The following SCML4 variants were observed in gnomAD, a reference collection of about 807,000 sequenced individuals.
The protein encoded by SCML4 is Scm polycomb group protein like 4, also known as sex comb on midleg-like protein 4.
In SCML4, 34 loss-of-function variants were observed where a neutral mutation model predicts 41.1. The ratio of observed to expected loss-of-function variants is 0.83; its 90% CI spans 0.63 to 1.10. SCML4 has a LOEUF of 1.10. SCML4 is among the 50% of genes least tolerant of loss of function. The probability of loss-of-function intolerance (pLI) is 0.00; values close to 1 mark genes in which losing one functional copy is unlikely to be tolerated. For synonymous variants in SCML4, 214 were observed against 220.9 expected (o/e 0.97, Z 0.28); for missense variants, 522 against 534.1 (o/e 0.98, Z 0.22).
intron 2 of SCML4, among the ~76,000 whole-genome samples, chr6:107,758,207 A>G (rs1779262698): frequency 6.6e-6 from 1 of 152,210 alleles, no homozygotes; most frequent in Admixed American, 6.5e-5. Flanking sequence ...CTAGGTGACC[A>G]GGGTAGGCCT....
intron 1 of SCML4, among the ~76,000 whole-genome samples, chr6:107,775,247 G>A (rs1780841682): frequency 6.6e-6 from 1 of 152,198 alleles, no homozygotes; most frequent in Admixed American, 6.5e-5. Context: ...TGCCTGGAAT[G>A]CTCTTTCTTC....
rs1250441093 is a variant in SCML4 at position 107,714,977 on chromosome 6, A to ATT, written c.973+5724_973+5725dup. Among the ~76,000 whole-genome samples, 78 of 54,532 alleles carry ATT rather than the reference A, an allele frequency of 1.4e-3. 1 individual carries two copies. The highest frequency in any genetic ancestry group is 3.1e-3 in the African/African-American group (77 of 24,450). 35.8% of individuals were successfully genotyped at this position (54,532 alleles called of 152,430 possible). ...CCTGGTGTCCCTGCACAAACCCTTT[A>ATT]TTTTTTTTTTTTTTTGAGATGAAGT... On this transcript the variant is annotated intron_variant, in intron 6 of 7. Transcript: ENST00000369020.
At chr6:107,759,896 G>A (rs986290032) in intron 2 of SCML4, among the ~76,000 whole-genome samples, 6 of 152,112 alleles carry the variant, frequency 3.9e-5, no homozygotes, top group Non-Finnish European at 5.9e-5. Context: ...GCAGGGCAGT[G>A]GCAAGAATAC....
At chr6:107,741,434 T>C (rs1171033365) in intron 5 of SCML4, among the ~76,000 whole-genome samples, 1 of 152,216 alleles carries the variant, frequency 6.6e-6, no homozygotes, top group African/African-American at 2.4e-5. Context: ...GGCCTGTCCT[T>C]GCCTTAATCC....
rs200114918 is a variant in SCML4 at position 107,749,748 on chromosome 6, G to T, written c.222C>A (p.Asp74Glu). 3.1e-6 allele frequency: 5 copies of T among 1,614,056 alleles called. No homozygotes were observed. Among genetic ancestry groups the T allele is most frequent in the Admixed American group, 1.7e-5 (1 of 59,998 alleles). Residue 74 changes from aspartate (D) to glutamate (E), a missense_variant, in exon 3 of 8, where the codon GAC (aspartate) becomes GAA (glutamate). Coordinates refer to ENST00000369020, the MANE Select transcript of SCML4 (RefSeq NM_198081.5). Reference protein sequence around the residue: ...LSPPRSTPEPDLSSIPQDAAT... With the variant: ...LSPPRSTPEPELSSIPQDAAT... ...CTGCGTCCTGAGGGATGGAGCTGAGGTCGGGCTCTGGGGTACTCCGCGGAG... is the reference window on the plus strand; with the variant it reads ...CTGCGTCCTGAGGGATGGAGCTGAGTTCGGGCTCTGGGGTACTCCGCGGAG...
At chr6:107,783,745 T>G (rs1204438217) in intron 1 of SCML4, among the ~76,000 whole-genome samples, 1 of 151,884 alleles carries the variant, frequency 6.6e-6, no homozygotes, top group Non-Finnish European at 1.5e-5. Flanking sequence ...CTGGTCTGAG[T>G]TTGCCTGATG....
In SCML4 at chr6:107,788,948, A is replaced by G. The variant is rs1782113249; in HGVS notation, c.-59-16562T>C. Among the ~76,000 whole-genome samples, 3 of 152,348 alleles carry G rather than the reference A, an allele frequency of 2.0e-5. No individual in the cohort carries two copies. In the South Asian group the frequency reaches 6.2e-4, roughly 32 times the overall value. On this transcript the variant is annotated intron_variant, in intron 1 of 7. Coordinates refer to ENST00000369020, the MANE Select transcript of SCML4 (RefSeq NM_198081.5). ...TGTGTGTTTCCCTGACTTACAGGAA[A>G]GAAGACAAAATGCAGCCTAATTTGC... is the stretch of plus-strand genomic sequence containing the variant.
Position 107,704,531 on chromosome 6 carries a change from C to A in SCML4, c.*669G>T, listed in dbSNP as rs1440281653. ...CTTGTTCACAGACACCCTAACCCATCCACTCAGTACTGAACAATCCTGCTA... is the reference window on the plus strand; with the variant it reads ...CTTGTTCACAGACACCCTAACCCATACACTCAGTACTGAACAATCCTGCTA... On this transcript the variant is annotated 3_prime_UTR_variant, in exon 8 of 8. Transcript: ENST00000369020. The A allele has an allele frequency of 6.6e-6, 1 of 152,580 alleles. No individual in the cohort carries two copies. The allele number at this position is 152,580 out of a possible 1,614,324, so 9.5% of individuals were successfully genotyped here.
chr6:107,707,994 C>A lies in SCML4; in HGVS notation c.991G>T (p.Asp331Tyr), dbSNP rs1175177694. The A allele has an allele frequency of 1.3e-6, 2 of 1,551,106 alleles. No homozygotes were observed. Among genetic ancestry groups the A allele is most frequent in the Admixed American group, 2.0e-5 (1 of 51,008 alleles). The change falls in exon 7 of 8, where the codon GAT (aspartate) becomes TAT (tyrosine). Residue 331 changes from aspartate to tyrosine, a missense_variant. Asp to Tyr is a radical substitution (Grantham distance 160). Transcript: ENST00000369020. ...GNRCASSPSQ[D>Y]AQDARRPRSR... ...CGTGGCCGCCTGGCATCCTGCGCAT[C>A]CTGAGAAGGGCTTGAGGCTGGATGG...
Position 107,734,578 on chromosome 6 carries a change from C to A in SCML4, c.682+10371G>T, listed in dbSNP as rs141488867. ...AAATGCAGGCTTTTCTCTGGAGGCA[C>A]CTTCTTTAAAAAAGAGATTACATTT... On this transcript the variant is annotated intron_variant, in intron 5 of 7. Transcript: ENST00000369020. Among the ~76,000 whole-genome samples, 1,046 of 152,186 alleles carry A rather than the reference C, an allele frequency of 6.9e-3. 11 individuals are homozygous for A. The highest frequency in any genetic ancestry group is 0.024 in the African/African-American group (997 of 41,508).
chr6:107,790,189 A>C (rs1481064608), intron 1 of SCML4, among the ~76,000 whole-genome samples: 1 of 152,188 alleles, frequency 6.6e-6, no homozygotes, highest in East Asian at 1.9e-4. Context: ...CTGACTTCTC[A>C]AGATCAAAAA....
intron 1 of SCML4, among the ~76,000 whole-genome samples, chr6:107,777,122 T>C (rs1781015744): frequency 6.6e-6 from 1 of 152,222 alleles, no homozygotes; most frequent in South Asian, 2.1e-4. Context: ...GAATTTGTTT[T>C]GTTTTGTTTT....
At chr6:107,729,806 C>T (rs961497926) in intron 5 of SCML4, among the ~76,000 whole-genome samples, 1 of 152,194 alleles carries the variant, frequency 6.6e-6, no homozygotes, top group African/African-American at 2.4e-5. Context: ...ATGCATTGAG[C>T]TAGCCCCAAC....
chr6:107,768,266 C>T (rs1208461240), intron 2 of SCML4, among the ~76,000 whole-genome samples: 3 of 152,090 alleles, frequency 2.0e-5, no homozygotes, highest in Admixed American at 6.5e-5. Flanking sequence ...CCTGGGTCCC[C>T]ACCCCATGGA....
chr6:107,778,502 A>C (rs1781218070), intron 1 of SCML4, among the ~76,000 whole-genome samples: 1 of 152,030 alleles, frequency 6.6e-6, no homozygotes, highest in Non-Finnish European at 1.5e-5. Flanking sequence ...GGCCTGGAAT[A>C]TTAAATCAAG....
chr6:107,749,861 T>C (rs754621277), intron 2 of SCML4, 48 bp from the exon 3 acceptor site: 8 of 1,600,962 alleles, frequency 5.0e-6, no homozygotes. Flanking sequence ...CAATTCTCTC[T>C]ACACTCTTCC....
At chr6:107,777,105 A>G (rs748174770) in intron 1 of SCML4, among the ~76,000 whole-genome samples, 3 of 152,072 alleles carry the variant, frequency 2.0e-5, no homozygotes, top group African/African-American at 4.8e-5. Context: ...ACACTTTTGC[A>G]TTGTCTGAAT....
intron 5 of SCML4, among the ~76,000 whole-genome samples, chr6:107,744,679 TA>T (rs1777899817): frequency 6.6e-6 from 1 of 152,200 alleles, no homozygotes; most frequent in South Asian, 2.1e-4. Context: ...TCTCATTGTC[TA>T]AATTCTAATA....
intron 2 of SCML4, among the ~76,000 whole-genome samples, chr6:107,753,734 G>A (rs1778881289): frequency 6.6e-6 from 1 of 152,166 alleles, no homozygotes; most frequent in South Asian, 2.1e-4. Context: ...AAATAATCCA[G>A]TAGAGAGAGA....
Sources: gnomAD v4.1 joint callset for allele counts (sites outside exome capture counted in the v4.1 genomes callset) on GRCh38, gnomAD v4.1.1 for gene constraint, MANE v1.5 for transcripts, NCBI Gene and HGNC (gene_info 2026-07-23, HGNC 2026-07-21) for gene names.